The following TEAD3 variants were observed in gnomAD, a reference collection of about 807,000 sequenced individuals.
The protein encoded by TEAD3 is TEA domain transcription factor 3, also known as transcriptional enhancer factor TEF-5.
In TEAD3, 15 loss-of-function variants were observed where a neutral mutation model predicts 55.6. The observed-to-expected ratio is 0.27, with a 90% CI of 0.18 to 0.42. The LOEUF is 0.42. TEAD3 is among the 10% of genes least tolerant of loss of function. The probability of loss-of-function intolerance (pLI) is 1.00; values close to 1 mark genes in which losing one functional copy is unlikely to be tolerated. For missense variants in TEAD3, 407 were observed against 576.8 expected (o/e 0.71, Z 3.01); for synonymous variants, 210 against 232.2 (o/e 0.90, Z 0.87).
In TEAD3 at chr6:35,486,346, G is replaced by A; in HGVS notation, c.202+115C>T. On this transcript the variant is annotated intron_variant, in intron 2 of 12. Transcript: ENST00000639578. The surrounding 1 kb of genome is among the most constrained non-coding windows in gnomAD (Gnocchi z 7.3). The stretch of plus-strand genomic sequence containing the variant: ...AGGATCCAGACACACAGGCTTGCGC[G>A]CCCAGACTCGCCCGGCCAGCGGCTG... 2.4e-6 allele frequency: 3 copies of A among 1,242,314 alleles called. No individual in the cohort carries two copies. The highest frequency in any genetic ancestry group is 2.0e-4 in the Middle Eastern group (1 of 5,112). The allele number at this position is 1,242,314 out of a possible 1,614,324, so 77.0% of individuals were successfully genotyped here.
exon 1 of TEAD3, chr6:35,497,043 G>A (rs1768688170): frequency 6.6e-6 from 1 of 151,532 alleles, no homozygotes; most frequent in Non-Finnish European, 1.5e-5. Flanking sequence ...GGCGCCGAGC[G>A]CGGAGGAGGG....
At chr6:35,478,534 G>A (rs757673038) in exon 6 of TEAD3, 28 of 1,603,316 alleles carry the variant, frequency 1.7e-5, no homozygotes, top group East Asian at 4.5e-5. Context: ...GGACATGGAC[G>A]CCATGCTCTG....
rs771947986 is a variant in TEAD3 at position 35,475,475 on chromosome 6, C to T, written c.1055G>A (p.Arg352Lys). Residue 352 changes from arginine (R) to lysine (K), a missense_variant, in exon 12 of 13, where the codon AGG (arginine) becomes AAG (lysine). Physicochemically the swap from Arg to Lys is conservative, Grantham distance 26 (BLOSUM62 2). Coordinates refer to ENST00000639578, the Ensembl canonical transcript of TEAD3. This position sits in a 1 kb window ranked among gnomAD's most constrained non-coding sequence, Gnocchi z 5.4. ...GTACACAAAGCGCCCGTTCTCCAGC[C>T]TGGCATACTCAGTCTGCAGAGAATA... is the stretch of plus-strand genomic sequence containing the variant. 6.2e-7 allele frequency: 1 copy of T among 1,612,600 alleles called. No individual in the cohort carries two copies. Among genetic ancestry groups the T allele is most frequent in the East Asian group, 2.2e-5 (1 of 44,832 alleles).
At chr6:35,493,080 A>G (rs1768563616) in intron 1 of TEAD3, among the ~76,000 whole-genome samples, 1 of 152,124 alleles carries the variant, frequency 6.6e-6, no homozygotes, top group Non-Finnish European at 1.5e-5. Flanking sequence ...AAGAACAAAT[A>G]GGTTTCCTCT....
chr6:35,478,621 G>A lies in TEAD3; in HGVS notation c.343-50C>T, dbSNP rs748151638. On this transcript the variant is annotated intron_variant, in intron 5 of 12. Coordinates refer to ENST00000639578, the Ensembl canonical transcript of TEAD3. ...CCAGGGCCACGCTGGATGAGGCCAG[G>A]CTTGCTTTAGCGCCCCTCCCATGAC... 3.2e-6 allele frequency: 5 copies of A among 1,541,440 alleles called. No individual in the cohort carries two copies. In the Admixed American group the frequency reaches 9.9e-5, roughly 31 times the overall value.
At chr6:35,487,141 C>T (rs1414077992) in intron 1 of TEAD3, among the ~76,000 whole-genome samples, 1 of 152,212 alleles carries the variant, frequency 6.6e-6, no homozygotes, top group African/African-American at 2.4e-5. Context: ...CAAAACTAGG[C>T]CGGCGCGATG....
Position 35,496,064 on chromosome 6 carries a change from C to T in TEAD3, c.-50+834G>A, listed in dbSNP as rs1204159810. Among the ~76,000 whole-genome samples the T allele has an allele frequency of 2.6e-5, 4 of 152,190 alleles. No individual in the cohort carries two copies. The highest frequency in any genetic ancestry group is 4.4e-5 in the Non-Finnish European group (3 of 68,026). On this transcript the variant is annotated intron_variant, in intron 1 of 12. Transcript: ENST00000639578. This position sits in a 1 kb window ranked among gnomAD's most constrained non-coding sequence, Gnocchi z 4.8. ...GCCCAGCTGGGCTGGAAAACAGATCCAGACCAGCGCTCCCAGCCCTCCCTC... is the reference window on the plus strand; with the variant it reads ...GCCCAGCTGGGCTGGAAAACAGATCTAGACCAGCGCTCCCAGCCCTCCCTC...
At position 35,486,798 on chromosome 6, in the gene TEAD3, C is replaced by T. The variant is rs185698392; in HGVS notation, c.-49-87G>A. On this transcript the variant is annotated intron_variant, in intron 1 of 12. Coordinates refer to ENST00000639578, the Ensembl canonical transcript of TEAD3. This position sits in a 1 kb window ranked among gnomAD's most constrained non-coding sequence, Gnocchi z 7.3. ...CCCACAGCCGCTGGCTCTGGAGCTCCGCCCCCAGCCCCAAGCCCACCCTAG... is the reference window on the plus strand; with the variant it reads ...CCCACAGCCGCTGGCTCTGGAGCTCTGCCCCCAGCCCCAAGCCCACCCTAG... 1.9e-4 allele frequency: 182 copies of T among 953,254 alleles called. 1 individual carries two copies. The African/African-American group carries it at 2.7e-3, about 14-fold the overall frequency. 59.0% of individuals were successfully genotyped at this position (953,254 alleles called of 1,614,324 possible).
exon 7 of TEAD3, chr6:35,478,319 C>A (rs1768195730): frequency 6.2e-7 from 1 of 1,613,844 alleles, no homozygotes; most frequent in East Asian, 2.2e-5. Context: ...GGGGGCTGCT[C>A]CAGAACTGCA....
At position 35,478,328 on chromosome 6, in the gene TEAD3, C is replaced by T; in HGVS notation, c.481-4G>A. On this transcript the variant is annotated splice_polypyrimidine_tract_variant and splice_region_variant and intron_variant, in intron 6 of 12. Coordinates refer to ENST00000639578, the Ensembl canonical transcript of TEAD3. Reference sequence around the variant, plus strand: ...GGAGAGGGGGGCTGCTCCAGAACTGCAGGGATGAGACAAGGCCCAGGGGCC... The same window carrying T: ...GGAGAGGGGGGCTGCTCCAGAACTGTAGGGATGAGACAAGGCCCAGGGGCC... 6.2e-7 allele frequency: 1 copy of T among 1,613,850 alleles called. No homozygotes were observed. The highest frequency in any genetic ancestry group is 1.3e-5 in the African/African-American group (1 of 75,044).
chr6:35,478,351 G>A, intron 6 of TEAD3, 27 bp from the exon 7 acceptor site: 4 of 1,613,710 alleles, frequency 2.5e-6, no homozygotes, highest in Non-Finnish European at 3.4e-6. Flanking sequence ...AGGCCCAGGG[G>A]CCCCTCAGCA....
chr6:35,495,375 A>G (rs1157657536), intron 1 of TEAD3, among the ~76,000 whole-genome samples: 2 of 152,174 alleles, frequency 1.3e-5, no homozygotes, highest in Non-Finnish European at 2.9e-5. Flanking sequence ...CTAACAAGCC[A>G]TTCCCCAGCC....
chr6:35,478,425 C>G lies in TEAD3; in HGVS notation c.480+9G>C, dbSNP rs547069110. 1 of 1,613,648 alleles carries G rather than the reference C, an allele frequency of 6.2e-7. No individual in the cohort carries two copies. On this transcript the variant is annotated intron_variant, in intron 6 of 12. Coordinates refer to ENST00000639578, the Ensembl canonical transcript of TEAD3. ...CCCCACACCAGCCCACCTCCTGGGA[C>G]CCATGTACCCGCGAGGAAGTGGAGA...
At chr6:35,478,877 CTT>C (rs67071124) in intron 5 of TEAD3, among the ~76,000 whole-genome samples, 265 of 106,720 alleles carry the variant, frequency 2.5e-3, no homozygotes, top group Middle Eastern at 0.015. Flanking sequence ...CTCCTATTTT[CTT>C]TTTTTTTTTT....
chr6:35,481,349 A>T (rs1768262632), intron 3 of TEAD3, among the ~76,000 whole-genome samples: 1 of 152,096 alleles, frequency 6.6e-6, no homozygotes, highest in Non-Finnish European at 1.5e-5. Context: ...ACGCCGCTTC[A>T]CGCTTTCAGC....
At chr6:35,480,455 A>G in intron 3 of TEAD3, 81 bp from the exon 4 acceptor site, 1 of 1,457,542 alleles carries the variant, frequency 6.9e-7, no homozygotes, top group Non-Finnish European at 9.5e-7. Flanking sequence ...GCGGGCAAGG[A>G]GCATCCCAGA....
chr6:35,478,268 T>A lies in TEAD3; in HGVS notation c.530+7A>T. The A allele has an allele frequency of 6.2e-7, 1 of 1,613,236 alleles. No individual in the cohort carries two copies. The highest frequency in any genetic ancestry group is 8.5e-7 in the Non-Finnish European group (1 of 1,179,830). The stretch of plus-strand genomic sequence containing the variant: ...GAGGGCGTGGGATGATGAGCCACAA[T>A]ACTCACTCCTGAGAGGGTCCAGGCT... On this transcript the variant is annotated splice_region_variant and intron_variant, in intron 7 of 12. Coordinates refer to ENST00000639578, the Ensembl canonical transcript of TEAD3.
chr6:35,478,357 C>T, intron 6 of TEAD3, 33 bp from the exon 7 acceptor site: 1 of 1,613,772 alleles, frequency 6.2e-7, no homozygotes, highest in East Asian at 2.2e-5. Flanking sequence ...AGGGGCCCCT[C>T]AGCATCCATG....
downstream of TEAD3, chr6:35,473,739 CAAA>C (rs576526174): frequency 6.8e-6 from 1 of 147,788 alleles, no homozygotes; most frequent in Admixed American, 6.9e-5. Flanking sequence ...TAAAAATACA[CAAA>C]AAAATATATA....
Sources: allele counts gnomAD v4.1 joint callset (sites outside exome capture counted in the v4.1 genomes callset), GRCh38; gene constraint gnomAD v4.1.1; non-coding constraint Gnocchi (gnomAD v3.1); transcripts MANE v1.5; gene names NCBI Gene and HGNC (gene_info 2026-07-23, HGNC 2026-07-21).